The following NUP210 variants were observed in gnomAD, a reference collection of about 807,000 sequenced individuals.
NUP210 encodes nuclear pore membrane glycoprotein 210.
NUP210 carries 151 observed loss-of-function variants against 196.0 expected under a neutral mutation model. That is an observed-to-expected ratio of 0.77 (90% CI 0.67 to 0.88). The LOEUF is 0.88. NUP210 is among the 40% of genes least tolerant of loss of function. The pLI is 0.00. For missense variants in NUP210, 2,314 were observed against 2,493.7 expected, an observed-to-expected ratio of 0.93 and a Z score of 1.53; for synonymous variants, 1,070 against 1,052.7, an observed-to-expected ratio of 1.02 and a Z score of -0.32.
chr3:13,411,989 C>T (rs1700188889), intron 1 of NUP210, among the ~76,000 whole-genome samples: 1 of 152,062 alleles, frequency 6.6e-6, no homozygotes, highest in African/African-American at 2.4e-5. Context: ...GTGATCCGCC[C>T]TCCTCGGCCT....
Position 13,388,308 on chromosome 3 carries a change from A to T in NUP210, c.679T>A (p.Tyr227Asn). The T allele has an allele frequency of 6.2e-7, 1 of 1,605,230 alleles. No individual in the cohort carries two copies. Among genetic ancestry groups the T allele is most frequent in the South Asian group, 1.1e-5 (1 of 89,614 alleles). The part of the protein sequence containing the change: ...KLKARIQEAV[Y>N]KNVRPAEVRL... ...CCCCAGCGCCCCAGGCCCACCTTGT[A>T]GACAGCCTCCTGGATGCGAGCCTTG... The change falls in exon 5 of 40, where the codon TAC becomes AAC. Residue 227 changes from tyrosine (Y) to asparagine (N), a missense_variant. Transcript: ENST00000254508.
Position 13,322,313 on chromosome 3 carries a change from C to T in NUP210, c.4795G>A (p.Val1599Ile). 1 of 1,614,232 alleles carries T rather than the reference C, an allele frequency of 6.2e-7. No individual in the cohort carries two copies. The part of the protein sequence containing the change: ...RGECTPTQRE[V>I]IQALHPETLI... ...GTCTCTGGGTGCAAGGCCTGGATGACTTCCCTCTGGGTGGGGGTGCACTCG... is the reference window on the plus strand; with the variant it reads ...GTCTCTGGGTGCAAGGCCTGGATGATTTCCCTCTGGGTGGGGGTGCACTCG... The change falls in exon 35 of 40, where the codon GTC becomes ATC. Residue 1599 changes from valine to isoleucine, a missense_variant. Physicochemically the swap from Val to Ile is conservative, Grantham distance 29 (BLOSUM62 3). Coordinates refer to ENST00000254508, the MANE Select transcript of NUP210 (RefSeq NM_024923.4).
At chr3:13,419,493 A>G (rs1350765928) in intron 1 of NUP210, among the ~76,000 whole-genome samples, 1 of 152,088 alleles carries the variant, frequency 6.6e-6, no homozygotes. Flanking sequence ...GCCTGAGGGG[A>G]AGCGCCGGCC....
intron 14 of NUP210, among the ~76,000 whole-genome samples, chr3:13,364,515 G>C (rs1201730876): frequency 6.6e-6 from 1 of 152,194 alleles, no homozygotes; most frequent in Non-Finnish European, 1.5e-5. Flanking sequence ...TGAACCCAGG[G>C]CTAGGGGTTC....
rs1242413867 is a variant in NUP210, at chr3:13,339,916, T to C, written c.3409A>G (p.Thr1137Ala). 6.8e-6 allele frequency: 11 copies of C among 1,613,896 alleles called. No individual in the cohort carries two copies. The highest frequency in any genetic ancestry group is 1.7e-5 in the Admixed American group (1 of 60,014). ...ACTGCCTGCACGAGCCCAGACACAG[T>C]GCCGTTCCCGATGGCGAGGCCCTGT... ...LVQGLAIGNG[T>A]VSGLVQAVDA... Residue 1137 changes from threonine (T) to alanine (A), a missense_variant, in exon 25 of 40, where the codon ACT becomes GCT. Thr to Ala is a moderately conservative substitution (Grantham distance 58). Transcript: ENST00000254508.
chr3:13,332,660 T>C (rs957818232), intron 28 of NUP210, among the ~76,000 whole-genome samples: 1 of 152,172 alleles, frequency 6.6e-6, no homozygotes, highest in Non-Finnish European at 1.5e-5. Context: ...TGTGCAACTG[T>C]AGTCCCAGCT....
intron 21 of NUP210, 44 bp from the exon 22 acceptor site, chr3:13,342,167 C>G (rs371094961): frequency 3.7e-6 from 6 of 1,610,344 alleles, no homozygotes; most frequent in Non-Finnish European, 3.4e-6. Flanking sequence ...TCCAAAAGAC[C>G]AATCCTACCA....
intron 4 of NUP210, 139 bp downstream of exon 4, chr3:13,391,072 C>G: frequency 4.6e-6 from 3 of 646,020 alleles, no homozygotes; most frequent in Admixed American, 2.3e-5. Flanking sequence ...ATCAGACACT[C>G]GGAATGTTAC....
chr3:13,325,164 C>A lies in NUP210; in HGVS notation c.4644+631G>T, dbSNP rs150201583. On this transcript the variant is annotated intron_variant, in intron 33 of 39. Coordinates refer to ENST00000254508, the MANE Select transcript of NUP210 (RefSeq NM_024923.4). ...AGGCTCTGCCCTTGAACCCTACACA[C>A]CTTTGTCCATGCCACCCCATCCCCT... Among the ~76,000 whole-genome samples, 4 of 152,346 alleles carry A rather than the reference C, an allele frequency of 2.6e-5. No individual in the cohort carries two copies. In the East Asian group the frequency reaches 7.7e-4, roughly 29 times the overall value.
intron 12 of NUP210, among the ~76,000 whole-genome samples, chr3:13,372,589 T>C (rs1197999096): frequency 2.6e-5 from 4 of 152,152 alleles, no homozygotes; most frequent in Admixed American, 6.5e-5. Context: ...ATGTGGGATG[T>C]GTTCTGAATG....
chr3:13,366,505 CTGATT>C (rs1469894883), intron 13 of NUP210, among the ~76,000 whole-genome samples: 3 of 142,920 alleles, frequency 2.1e-5, no homozygotes, highest in African/African-American at 7.9e-5. Flanking sequence ...GATCCTTGAT[CTGATT>C]TCTTTCTTTT....
Position 13,330,645 on chromosome 3 carries a change from C to T in NUP210, c.3936-11G>A, listed in dbSNP as rs1421873577. ...GAGGCTGCACCATCCCTTTGGAAAA[C>T]AAAACAGAGCTGTTTTTGTAGATGG... On this transcript the variant is annotated splice_polypyrimidine_tract_variant and intron_variant, in intron 29 of 39. Coordinates refer to ENST00000254508, the MANE Select transcript of NUP210 (RefSeq NM_024923.4). 1.2e-6 allele frequency: 2 copies of T among 1,612,552 alleles called. No homozygotes were observed. The highest frequency in any genetic ancestry group is 4.5e-5 in the East Asian group (2 of 44,844).
chr3:13,347,830 G>A lies in NUP210; in HGVS notation c.2835+4049C>T, dbSNP rs948731290. ...TTGCTGCTGACGTCAATACTCCCTGGAAAATTCCTCCTGCAGGCTTCAGAA... is the reference window on the plus strand; with the variant it reads ...TTGCTGCTGACGTCAATACTCCCTGAAAAATTCCTCCTGCAGGCTTCAGAA... On this transcript the variant is annotated intron_variant, in intron 20 of 39. Coordinates refer to ENST00000254508, the MANE Select transcript of NUP210 (RefSeq NM_024923.4). This position sits in a 1 kb window ranked among gnomAD's most constrained non-coding sequence, Gnocchi z 4.7. 1.3e-5 allele frequency among the ~76,000 whole-genome samples: 2 copies of A among 152,192 alleles called. No homozygotes were observed. The highest frequency in any genetic ancestry group is 4.8e-5 in the African/African-American group (2 of 41,448).
chr3:13,387,002 C>T (rs1169269389), intron 5 of NUP210, among the ~76,000 whole-genome samples: 2 of 152,230 alleles, frequency 1.3e-5, no homozygotes, highest in African/African-American at 2.4e-5. Flanking sequence ...CTGCACCTTT[C>T]ATTGTCTTTG....
chr3:13,385,285 CAGG>C (rs1418876163), intron 6 of NUP210, among the ~76,000 whole-genome samples: 2 of 152,242 alleles, frequency 1.3e-5, no homozygotes, highest in African/African-American at 4.8e-5. Context: ...CCCTGTATCA[CAGG>C]TGGAACCAAC....
At chr3:13,331,302 TAAAG>T (rs1696986435) in intron 29 of NUP210, among the ~76,000 whole-genome samples, 1 of 152,182 alleles carries the variant, frequency 6.6e-6, no homozygotes, top group African/African-American at 2.4e-5. Context: ...ATTAATATAA[TAAAG>T]AAACCCAGGA....
intron 1 of NUP210, among the ~76,000 whole-genome samples, chr3:13,413,925 T>G (rs1411910608): frequency 1.3e-5 from 2 of 152,238 alleles, no homozygotes; most frequent in Admixed American, 1.3e-4. Flanking sequence ...AACTTTTATT[T>G]TGAGGAAAAT....
intron 13 of NUP210, among the ~76,000 whole-genome samples, chr3:13,367,689 C>T (rs1698588476): frequency 1.3e-5 from 2 of 152,202 alleles, no homozygotes; most frequent in Admixed American, 6.5e-5. Flanking sequence ...CTCTTTTGTG[C>T]CTGGCTTCCT....
intron 11 of NUP210, 36 bp from the exon 12 acceptor site, chr3:13,373,909 A>C: frequency 6.2e-7 from 1 of 1,606,412 alleles, no homozygotes. Context: ...CCAGCCACCC[A>C]CCCTTAGCCT....
Sources: allele counts gnomAD v4.1 joint callset (sites outside exome capture counted in the v4.1 genomes callset), GRCh38; gene constraint gnomAD v4.1.1; non-coding constraint Gnocchi (gnomAD v3.1); transcripts MANE v1.5; gene names NCBI Gene and HGNC (gene_info 2026-07-23, HGNC 2026-07-21).